CIRSR: variants seen among roughly 807,000 people sequenced by gnomAD.
CIRSR encodes CBF1 (RBPJ) interacting corepressor 1.
At chr2:174,387,867 C>G in the CIRSR span, 3 of 1,205,038 alleles carry the variant, frequency 2.5e-6, no homozygotes, top group East Asian at 2.6e-5. Flanking sequence ...ATATAAAATG[C>G]AATTGTTTAA....
the CIRSR span, among the ~76,000 whole-genome samples, chr2:174,389,606 G>A: frequency 7.9e-5 from 12 of 152,190 alleles, no homozygotes; most frequent in Admixed American, 7.9e-4. Flanking sequence ...GCCGGCTGCA[G>A]AAATTTGCAT....
chr2:174,374,900 G>C, the CIRSR span, among the ~76,000 whole-genome samples: 1 of 152,150 alleles, frequency 6.6e-6, no homozygotes, highest in Non-Finnish European at 1.5e-5. Context: ...TTAATCTAAA[G>C]TAATTCCCCA....
At chr2:174,389,866 A>G in the CIRSR span, among the ~76,000 whole-genome samples, 1 of 152,186 alleles carries the variant, frequency 6.6e-6, no homozygotes, top group Non-Finnish European at 1.5e-5. Context: ...GGCAGCTTCC[A>G]TGTGATGTTG....
the CIRSR span, chr2:174,387,887 G>C: frequency 1.9e-5 from 18 of 947,586 alleles, no homozygotes; most frequent in Non-Finnish European, 2.7e-5. Context: ...AAGCAGGAGT[G>C]CCCAATCTTT....
chr2:174,351,490 G>A, the CIRSR span: 1 of 591,298 alleles, frequency 1.7e-6, no homozygotes, highest in East Asian at 3.1e-5. Context: ...AACACATTTT[G>A]GGCATTTTCT....
chr2:174,353,674 G>A, the CIRSR span, among the ~76,000 whole-genome samples: 2 of 152,092 alleles, frequency 1.3e-5, no homozygotes, highest in African/African-American at 4.8e-5. Context: ...CACCATGTTG[G>A]TCAGGCTGGT....
chr2:174,377,824 CA>C, the CIRSR span, among the ~76,000 whole-genome samples: 352 of 60,062 alleles, frequency 5.9e-3, 2 homozygotes, highest in African/African-American at 0.019. Flanking sequence ...GACGCCATCT[CA>C]AAAAAAAAAA....
the CIRSR span, chr2:174,349,201 CTG>C: frequency 7.8e-6 from 9 of 1,149,552 alleles, no homozygotes; most frequent in Admixed American, 2.6e-4. Flanking sequence ...CAGTAACAGA[CTG>C]TGTGAAAAAC....
At chr2:174,374,832 T>C in the CIRSR span, among the ~76,000 whole-genome samples, 5 of 152,220 alleles carry the variant, frequency 3.3e-5, no homozygotes, top group African/African-American at 4.8e-5. Context: ...CCAGCATCCT[T>C]CCTGTCATTT....
At chr2:174,351,006 C>G in the CIRSR span, among the ~76,000 whole-genome samples, 148 of 152,258 alleles carry the variant, frequency 9.7e-4, no homozygotes, top group African/African-American at 3.5e-3. Flanking sequence ...TAGACACACA[C>G]AGATAAAATG....
chr2:174,367,720 CAA>C, the CIRSR span, among the ~76,000 whole-genome samples: 15 of 118,358 alleles, frequency 1.3e-4, no homozygotes, highest in East Asian at 3.5e-3. Flanking sequence ...CCAGCCTGGG[CAA>C]GAGAGAGAGA....
chr2:174,383,995 C>T, the CIRSR span, among the ~76,000 whole-genome samples: 1 of 152,066 alleles, frequency 6.6e-6, no homozygotes, highest in Admixed American at 6.5e-5. Flanking sequence ...AAATATAAAC[C>T]TACCATGTGA....
At chr2:174,377,583 G>A in the CIRSR span, among the ~76,000 whole-genome samples, 2 of 152,072 alleles carry the variant, frequency 1.3e-5, no homozygotes, top group African/African-American at 2.4e-5. Context: ...TTGGGAGGCC[G>A]AGGCAGGTGG....
At chr2:174,351,551 T>C in the CIRSR span, 6 of 1,291,306 alleles carry the variant, frequency 4.6e-6, no homozygotes, top group Non-Finnish European at 6.6e-6. Context: ...AAACATTAAG[T>C]AGCAATTCAC....
At chr2:174,387,777 T>C in the CIRSR span, 4 of 1,575,206 alleles carry the variant, frequency 2.5e-6, no homozygotes, top group Middle Eastern at 1.7e-4. Context: ...CTGCCATCCA[T>C]ACCTAGATTA....
At chr2:174,373,828 CTGTGT>C in the CIRSR span, among the ~76,000 whole-genome samples, 2 of 147,760 alleles carry the variant, frequency 1.4e-5, no homozygotes, top group Admixed American at 6.7e-5. Flanking sequence ...TACTATCCCC[CTGTGT>C]GTGTGTGTGT....
At chr2:174,380,522 A>G in the CIRSR span, 2 of 840,792 alleles carry the variant, frequency 2.4e-6, no homozygotes, top group East Asian at 5.1e-5. Context: ...ACAGCTAATT[A>G]AAATCATTAA....
chr2:174,351,851 T>G, the CIRSR span: 17 of 561,920 alleles, frequency 3.0e-5, no homozygotes, highest in East Asian at 5.2e-4. Context: ...AATAATCTTC[T>G]GCTGAGCAAA....
At chr2:174,390,179 C>T in the CIRSR span, among the ~76,000 whole-genome samples, 1 of 152,224 alleles carries the variant, frequency 6.6e-6, no homozygotes, top group African/African-American at 2.4e-5. Flanking sequence ...TCAACACCAG[C>T]CCATGAAAGC....
Sources: allele counts gnomAD v4.1 joint callset (sites outside exome capture counted in the v4.1 genomes callset), GRCh38; gene constraint gnomAD v4.1.1; transcripts MANE v1.5; gene names NCBI Gene and HGNC (gene_info 2026-07-23, HGNC 2026-07-21).